Variants in RYR1 observed in about 807,000 individuals in gnomAD.
The protein encoded by RYR1 is central core disease of muscle.
Under a neutral mutation model 583.5 loss-of-function variants are expected in RYR1, and 342 were observed. The ratio of observed to expected loss-of-function variants is 0.59; its 90% CI spans 0.54 to 0.64. RYR1 has a LOEUF of 0.64. Among genes scored for constraint, RYR1 ranks in the 30% least tolerant of loss-of-function variants. RYR1 has a pLI of 0.00. For synonymous variants in RYR1, 2,791 were observed against 2,822.5 expected, an observed-to-expected ratio of 0.99 and a Z score of 0.35; for missense variants, 6,032 against 6,917.2, an observed-to-expected ratio of 0.87 and a Z score of 4.54.
intron 1 of RYR1, among the ~76,000 whole-genome samples, chr19:38,438,248 C>T (rs959126885): frequency 2.6e-5 from 4 of 151,770 alleles, no homozygotes; most frequent in Admixed American, 6.6e-5. Flanking sequence ...TGATCTCATC[C>T]CCATCCTAAA....
At position 38,475,427 on chromosome 19, in the gene RYR1, G is replaced by A. The variant is rs543630280; in HGVS notation, c.4270G>A (p.Glu1424Lys). 1.1e-5 allele frequency: 17 copies of A among 1,613,798 alleles called. No individual in the cohort carries two copies. The African/African-American group carries it at 1.2e-4, about 11-fold the overall frequency. ...VVPADNRDDPEIILNTTTYYY... is the reference protein window; with the variant it reads ...VVPADNRDDPKIILNTTTYYY... ...GCCTGCAGACAACCGCGATGACCCC[G>A]AGATCATCCTCAACACCACCACGGT... Residue 1424 changes from glutamate (E) to lysine (K), a missense_variant, in exon 29 of 106, where the codon GAG (glutamate) becomes AAG (lysine). By Grantham distance (56) the Glu-to-Lys change is moderately conservative. Around this residue, in one of 11 missense-constraint regions of RYR1, gnomAD observed 2,627 missense variants for 2,961.3 expected, o/e 0.89. Coordinates refer to ENST00000359596, the MANE Select transcript of RYR1 (RefSeq NM_000540.3).
At chr19:38,461,737 A>AG (rs1282550245) in intron 20 of RYR1, among the ~76,000 whole-genome samples, 69 of 135,616 alleles carry the variant, frequency 5.1e-4, no homozygotes, top group African/African-American at 1.4e-3. Flanking sequence ...AAAAAAAAAA[A>AG]AAAGAAAGGG....
chr19:38,524,081 T>TCCCTC (rs1971353959), intron 70 of RYR1, 152 bp downstream of exon 70: 3 of 691,694 alleles, frequency 4.3e-6, no homozygotes, highest in Admixed American at 4.8e-5. Context: ...TCCCTTCCCT[T>TCCCTC]CCCTCCCCAC....
In RYR1 at chr19:38,448,689, T is replaced by C; in HGVS notation, c.998T>C (p.Met333Thr). The change falls in exon 11 of 106, where the codon ATG (methionine) becomes ACG (threonine). Residue 333 changes from methionine to threonine, a missense_variant. By Grantham distance (81) the Met-to-Thr change is moderately conservative (BLOSUM62 -1). Transcript: ENST00000359596. ...DVAPKRDVEGMGPPEIKYGES... is the reference protein window; with the variant it reads ...DVAPKRDVEGTGPPEIKYGES... ...GCCCCCAAGCGGGATGTGGAGGGCA[T>C]GGGCCCCCCTGAGATCAAGTACGGG... 2 of 1,614,228 alleles carry C rather than the reference T, an allele frequency of 1.2e-6. No individual in the cohort carries two copies. Among genetic ancestry groups the C allele is most frequent in the Non-Finnish European group, 1.7e-6 (2 of 1,180,038 alleles).
chr19:38,496,402 G>A lies in RYR1; in HGVS notation c.6664-7G>A. ...AGGGCAGGCCCTGACCACCCTGCCT[G>A]TCCCAGGAGATCCGCTTCCCCAAGA... On this transcript the variant is annotated splice_region_variant and splice_polypyrimidine_tract_variant and intron_variant, in intron 40 of 105. Coordinates refer to ENST00000359596, the MANE Select transcript of RYR1 (RefSeq NM_000540.3). This position sits in a 1 kb window ranked among gnomAD's most constrained non-coding sequence, Gnocchi z 4.8. The A allele has an allele frequency of 6.2e-7, 1 of 1,613,822 alleles. No homozygotes were observed.
chr19:38,573,752 C>T (rs1973833726), intron 96 of RYR1, among the ~76,000 whole-genome samples: 1 of 151,696 alleles, frequency 6.6e-6, no homozygotes, highest in Non-Finnish European at 1.5e-5. Flanking sequence ...CTCCCCAAGT[C>T]TTACTCTTTC....
intron 47 of RYR1, among the ~76,000 whole-genome samples, chr19:38,501,468 C>T (rs539721516): frequency 1.8e-4 from 27 of 152,180 alleles, no homozygotes; most frequent in African/African-American, 5.1e-4. Flanking sequence ...GCTGCACTCC[C>T]GCCTGGCAAT....
chr19:38,458,892 T>A (rs547072686), intron 18 of RYR1, among the ~76,000 whole-genome samples: 3 of 152,194 alleles, frequency 2.0e-5, no homozygotes, highest in Non-Finnish European at 4.4e-5. Flanking sequence ...GTGCTGGGAT[T>A]ACAGGTGTGA....
chr19:38,487,259 C>A (rs1450530226), intron 34 of RYR1, among the ~76,000 whole-genome samples: 1 of 152,196 alleles, frequency 6.6e-6, no homozygotes, highest in Non-Finnish European at 1.5e-5. Context: ...TCTACCCGTT[C>A]CCTATCCTTC....
chr19:38,503,334 G>C (rs1056280717), intron 49 of RYR1, among the ~76,000 whole-genome samples: 1 of 152,088 alleles, frequency 6.6e-6, no homozygotes, highest in Admixed American at 6.5e-5. Flanking sequence ...GCATTTATTT[G>C]AATAAACATT....
intron 57 of RYR1, among the ~76,000 whole-genome samples, 158 bp downstream of exon 57, chr19:38,507,110 A>G (rs186646051): frequency 6.7e-6 from 1 of 150,018 alleles, no homozygotes; most frequent in Admixed American, 6.6e-5. Flanking sequence ...GGGCCTGGAC[A>G]CAGAGGCGGG....
intron 66 of RYR1, among the ~76,000 whole-genome samples, chr19:38,518,663 T>A (rs938590231): frequency 2.6e-5 from 4 of 152,040 alleles, no homozygotes; most frequent in African/African-American, 9.7e-5. Context: ...GTGCAGTGGC[T>A]CACGCCTGTA....
chr19:38,516,032 C>G, intron 64 of RYR1, 55 bp from the exon 65 acceptor site: 1 of 1,531,800 alleles, frequency 6.5e-7, no homozygotes, highest in Non-Finnish European at 8.8e-7. Context: ...GGGGCTGGGA[C>G]CCAGGACCCC....
chr19:38,454,633 C>T (rs2058048747), intron 13 of RYR1, among the ~76,000 whole-genome samples: 1 of 152,094 alleles, frequency 6.6e-6, no homozygotes, highest in Admixed American at 6.5e-5. Flanking sequence ...CCCTGTATTT[C>T]CCCTAGAAGC....
Position 38,542,830 on chromosome 19 carries a change from ATTATTTATTTAT to A in RYR1, c.11690-502_11690-491del, listed in dbSNP as rs924164669. On this transcript the variant is annotated intron_variant, in intron 84 of 105. Coordinates refer to ENST00000359596, the MANE Select transcript of RYR1 (RefSeq NM_000540.3). ...GCCACCGCTCCCAGCCTATTTTAAAATTATTTATTTATTTATTTATTTATTTTTGAGACGGGG... is the reference window on the plus strand; with the variant it reads ...GCCACCGCTCCCAGCCTATTTTAAAATTATTTATTTATTTTTGAGACGGGG... Among the ~76,000 whole-genome samples the A allele has an allele frequency of 1.0e-3, 152 of 148,286 alleles. 1 individual carries two copies. The highest frequency in any genetic ancestry group is 1.7e-3 in the Non-Finnish European group (117 of 67,064).
At chr19:38,518,231 T>A (rs1183065493) in intron 66 of RYR1, among the ~76,000 whole-genome samples, 2 of 151,326 alleles carry the variant, frequency 1.3e-5, no homozygotes, top group Non-Finnish European at 2.9e-5. Context: ...AAGGAAGAAA[T>A]GGATCCTCAA....
Position 38,587,195 on chromosome 19 carries a change from T to G in RYR1, c.15022-130T>G. The G allele has an allele frequency of 8.6e-6, 6 of 699,350 alleles. No homozygotes were observed. The South Asian group carries it at 9.4e-5, about 11-fold the overall frequency. 43.3% of individuals were successfully genotyped at this position (699,350 alleles called of 1,614,324 possible). ...AATCGCTTGAGCCAGGAGGCTGTAG[T>G]GAGCTGTGATTGTCGCCACTGCACT... On this transcript the variant is annotated intron_variant, in intron 105 of 105. Coordinates refer to ENST00000359596, the MANE Select transcript of RYR1 (RefSeq NM_000540.3).
At chr19:38,477,965 G>A (rs1383645176) in intron 30 of RYR1, 95 bp downstream of exon 30, 1 of 1,307,086 alleles carries the variant, frequency 7.7e-7, no homozygotes, top group African/African-American at 1.5e-5. Flanking sequence ...CTGGTTGTGG[G>A]ACCTAGGAAC....
intron 89 of RYR1, among the ~76,000 whole-genome samples, chr19:38,549,925 GTT>G (rs1972595966): frequency 7.6e-6 from 1 of 131,750 alleles, no homozygotes; most frequent in African/African-American, 2.8e-5. Flanking sequence ...GTGTGTGTGT[GTT>G]GTATTTTTAG....
Sources: gnomAD v4.1 joint callset for allele counts (sites outside exome capture counted in the v4.1 genomes callset) on GRCh38, gnomAD v4.1.1 for gene constraint, gnomAD v4.1.1 regional missense constraint, Gnocchi (gnomAD v3.1) non-coding constraint, MANE v1.5 for transcripts, NCBI Gene and HGNC (gene_info 2026-07-23, HGNC 2026-07-21) for gene names.